Variants in MYCBP2 observed in about 807,000 individuals in gnomAD.
MYCBP2 encodes MYC binding protein 2.
A neutral mutation model predicts 525.3 loss-of-function variants in MYCBP2; 120 were observed. The ratio of observed to expected loss-of-function variants is 0.23; its 90% CI spans 0.20 to 0.27. The LOEUF (loss-of-function observed/expected upper bound fraction) is 0.27, where lower values mean the gene tolerates loss of function less well. Among genes scored for constraint, MYCBP2 ranks in the 10% least tolerant of loss-of-function variants. The probability of loss-of-function intolerance (pLI) is 1.00; values close to 1 mark genes in which losing one functional copy is unlikely to be tolerated. For synonymous variants in MYCBP2, 1,894 were observed against 1,955.8 expected (o/e 0.97, Z 0.83); for missense variants, 4,149 against 5,657.1 (o/e 0.73, Z 8.55).
chr13:77,115,581 G>A (rs1200056831), intron 55 of MYCBP2, among the ~76,000 whole-genome samples: 2 of 151,180 alleles, frequency 1.3e-5, no homozygotes, highest in African/African-American at 2.4e-5. Context: ...TCTATTTTAT[G>A]GAATAAAATG....
At chr13:77,206,957 T>A in intron 23 of MYCBP2, 132 bp from the exon 24 acceptor site, 1 of 682,954 alleles carries the variant, frequency 1.5e-6, no homozygotes, top group Non-Finnish European at 2.2e-6. Context: ...TAGCTCATTA[T>A]CTTCTGGATC....
At chr13:77,063,418 G>A (rs1273999534) in intron 73 of MYCBP2, among the ~76,000 whole-genome samples, 1 of 152,010 alleles carries the variant, frequency 6.6e-6, no homozygotes, top group Non-Finnish European at 1.5e-5. Flanking sequence ...AATTAGCCAG[G>A]TGTGGTGGTA....
chr13:77,318,461 A>G (rs1054349530), intron 1 of MYCBP2, among the ~76,000 whole-genome samples: 1 of 152,222 alleles, frequency 6.6e-6, no homozygotes, highest in Non-Finnish European at 1.5e-5. Context: ...CTTCTTAAAA[A>G]CTACAAATAC....
At chr13:77,153,448 T>C (rs547573661) in intron 46 of MYCBP2, among the ~76,000 whole-genome samples, 1 of 152,366 alleles carries the variant, frequency 6.6e-6, no homozygotes, top group South Asian at 2.1e-4. Flanking sequence ...GGAACTCTCC[T>C]GTCTCAAACA....
chr13:77,181,947 C>A (rs777151413), intron 32 of MYCBP2, 25 bp from the exon 33 acceptor site: 1 of 1,579,104 alleles, frequency 6.3e-7, no homozygotes, highest in South Asian at 1.1e-5. Flanking sequence ...AATATGGCCC[C>A]CCAACCAAAA....
intron 2 of MYCBP2, among the ~76,000 whole-genome samples, chr13:77,294,139 T>TATATATATATATACATATATATAC (rs2077908796): frequency 2.3e-5 from 3 of 129,534 alleles, no homozygotes; most frequent in Non-Finnish European, 4.9e-5. Context: ...TACATATATA[T>TATATATATATATACATATATATAC]ATACATATAT....
chr13:77,321,723 T>C (rs1316584587), intron 1 of MYCBP2, among the ~76,000 whole-genome samples: 1 of 152,258 alleles, frequency 6.6e-6, no homozygotes, highest in African/African-American at 2.4e-5. Flanking sequence ...TTTGTCATAG[T>C]AGGTTATACT....
intron 4 of MYCBP2, among the ~76,000 whole-genome samples, chr13:77,275,413 T>C (rs892837516): frequency 6.6e-6 from 1 of 152,222 alleles, no homozygotes; most frequent in Non-Finnish European, 1.5e-5. Flanking sequence ...TTCTCCTTTC[T>C]GTCTCAGAGC....
At chr13:77,268,582 C>T (rs2074417840) in intron 7 of MYCBP2, among the ~76,000 whole-genome samples, 1 of 152,176 alleles carries the variant, frequency 6.6e-6, no homozygotes, top group South Asian at 2.1e-4. Context: ...GAGTTCGAGA[C>T]AAGCCTGGCC....
Position 77,209,657 on chromosome 13 carries a change from C to G in MYCBP2, c.3416+1510G>C, listed in dbSNP as rs982836226. Among the ~76,000 whole-genome samples the G allele has an allele frequency of 1.6e-4, 24 of 152,254 alleles. No individual in the cohort carries two copies. In the South Asian group the frequency reaches 2.1e-3, roughly 13 times the overall value. On this transcript the variant is annotated intron_variant, in intron 23 of 82. Transcript: ENST00000544440. ...AGAATGATCACAAAAGACCACTCAC[C>G]CATAGTCTCTTGTTATTTCATCTAC...
Position 77,194,186 on chromosome 13 carries a change from T to A in MYCBP2, c.3902A>T (p.Glu1301Val). 2.5e-6 allele frequency: 4 copies of A among 1,613,406 alleles called. No homozygotes were observed. Among genetic ancestry groups the A allele is most frequent in the Non-Finnish European group, 3.4e-6 (4 of 1,179,582 alleles). ...ACAGTCATAAGCCAATACATCAGTC[T>A]CTGCAAGAAGGTCACCATCAGTTTC... ...DHETDGDLLAETDVLAYDCAA... is the reference protein window; with the variant it reads ...DHETDGDLLAVTDVLAYDCAA... The change falls in exon 27 of 83, where the codon GAG (glutamate) becomes GTG (valine). Residue 1301 changes from glutamate to valine, a missense_variant. Coordinates refer to ENST00000544440, the MANE Select transcript of MYCBP2 (RefSeq NM_015057.5).
At chr13:77,047,027 G>T (rs2154046722) in intron 82 of MYCBP2, among the ~76,000 whole-genome samples, 1 of 152,212 alleles carries the variant, frequency 6.6e-6, no homozygotes, top group Non-Finnish European at 1.5e-5. Flanking sequence ...GAAAAAATGA[G>T]TCATTTACTC....
Position 77,051,829 on chromosome 13 carries a change from A to C in MYCBP2, c.13737T>G (p.Ser4579=), listed in dbSNP as rs1235891806. The stretch of plus-strand genomic sequence containing the variant: ...TGCCTACCTGAGCCCTGGAAACATC[A>C]GAACAGGCACCACAAATGAGCTCTC... The part of the protein sequence containing the change: ...DPRELICGAC[S]DVSRAQMCPK... Residue 4579 remains serine, a synonymous_variant, in exon 81 of 83, where the codon TCT becomes TCG. Coordinates refer to ENST00000544440, the MANE Select transcript of MYCBP2 (RefSeq NM_015057.5). 1 of 1,614,090 alleles carries C rather than the reference A, an allele frequency of 6.2e-7. No homozygotes were observed. The highest frequency in any genetic ancestry group is 8.5e-7 in the Non-Finnish European group (1 of 1,179,950).
chr13:77,175,229 G>A (rs78612904), intron 36 of MYCBP2, among the ~76,000 whole-genome samples: 2,715 of 151,394 alleles, frequency 0.018, 74 homozygotes, highest in African/African-American at 0.061. Context: ...TACTGTGCCC[G>A]GCAATAAGGG....
At chr13:77,157,836 T>A in intron 45 of MYCBP2, 101 bp downstream of exon 45, 1 of 990,638 alleles carries the variant, frequency 1.0e-6, no homozygotes, top group Non-Finnish European at 1.5e-6. Context: ...TAAACCAGAC[T>A]TTTTTAAAGT....
chr13:77,131,808 T>C, intron 52 of MYCBP2, among the ~76,000 whole-genome samples: 1 of 152,136 alleles, frequency 6.6e-6, no homozygotes, highest in East Asian at 1.9e-4. Context: ...TAAAGCATAC[T>C]GGGAATCTAA....
At position 77,273,516 on chromosome 13, in the gene MYCBP2, C is replaced by A. The variant is rs147901983; in HGVS notation, c.901G>T (p.Ala301Ser). 481 of 1,610,276 alleles carry A rather than the reference C, an allele frequency of 3.0e-4. No homozygotes were observed. In the African/African-American group the frequency reaches 5.8e-3, roughly 19 times the overall value. Residue 301 changes from alanine (A) to serine (S), a missense_variant, in exon 5 of 83, where the codon GCT becomes TCT. By Grantham distance (99) the Ala-to-Ser change is moderately conservative. Coordinates refer to ENST00000544440, the MANE Select transcript of MYCBP2 (RefSeq NM_015057.5). ...ETGRTLQAIS[A>S]ILTNNGSHAC... is the part of the protein sequence containing the mutation. ...TGGCTTCCATTGTTGGTGAGGATAGCAGAGATGGCCTGAAGTGTCCTTCCT... is the reference window on the plus strand; with the variant it reads ...TGGCTTCCATTGTTGGTGAGGATAGAAGAGATGGCCTGAAGTGTCCTTCCT...
intron 26 of MYCBP2, among the ~76,000 whole-genome samples, chr13:77,198,573 C>T (rs2062018846): frequency 6.6e-6 from 1 of 152,146 alleles, no homozygotes; most frequent in Non-Finnish European, 1.5e-5. Context: ...AGAGCAAAAT[C>T]AGGTAATTTG....
intron 41 of MYCBP2, 24 bp from the exon 42 acceptor site, chr13:77,165,415 T>G: frequency 6.6e-7 from 1 of 1,506,736 alleles, no homozygotes; most frequent in Non-Finnish European, 9.0e-7. Context: ...CAGAATTGAG[T>G]TCAAACTCTA....
Sources: allele counts gnomAD v4.1 joint callset (sites outside exome capture counted in the v4.1 genomes callset), GRCh38; gene constraint gnomAD v4.1.1; transcripts MANE v1.5; gene names NCBI Gene and HGNC (gene_info 2026-07-23, HGNC 2026-07-21).